NYAP2: variants seen among roughly 807,000 people sequenced by gnomAD.
The protein encoded by NYAP2 is neuronal tyrosine-phosphorylated phosphoinositide-3-kinase adaptor 2.
In NYAP2, 23 loss-of-function variants were observed where a neutral mutation model predicts 50.4. The ratio of observed to expected loss-of-function variants is 0.46; its 90% confidence interval spans 0.33 to 0.65. The LOEUF is 0.65. Ranked by LOEUF, NYAP2 falls within the 30% of genes least tolerant of loss-of-function variation. The pLI is 0.02. For missense variants in NYAP2, 885 were observed against 861.0 expected (o/e 1.03, Z -0.35); for synonymous variants, 394 against 365.2 (o/e 1.08, Z -0.90).
chr2:225,694,508 C>T, the NYAP2 span, among the ~76,000 whole-genome samples: 112,894 of 151,572 alleles, frequency 0.74, 43,308 homozygotes, highest in African/African-American at 0.94. Flanking sequence ...GGGGACTCAA[C>T]GATGGAAATG....
At chr2:225,434,945 A>T (rs965677893) in intron 3 of NYAP2, among the ~76,000 whole-genome samples, 4 of 152,238 alleles carry the variant, frequency 2.6e-5, no homozygotes, top group African/African-American at 9.6e-5. Context: ...CTTTATTAAG[A>T]AGAACATTAT....
the NYAP2 span, among the ~76,000 whole-genome samples, chr2:225,672,840 G>A: frequency 6.6e-6 from 1 of 152,002 alleles, no homozygotes; most frequent in Non-Finnish European, 1.5e-5. Context: ...TGGTGGAGCA[G>A]TGAGAACACG....
intron 6 of NYAP2, among the ~76,000 whole-genome samples, chr2:225,632,963 G>A (rs375037330): frequency 5.9e-5 from 9 of 152,054 alleles, no homozygotes; most frequent in East Asian, 1.9e-4. Flanking sequence ...CTTACTATAC[G>A]TTTAAAATCA....
intron 3 of NYAP2, among the ~76,000 whole-genome samples, chr2:225,472,809 CTTTTATT>C (rs1690033802): frequency 1.3e-5 from 2 of 151,390 alleles, no homozygotes; most frequent in African/African-American, 4.9e-5. Flanking sequence ...TCTTTTTTTT[CTTTTATT>C]TTTTAATTAT....
intron 5 of NYAP2, among the ~76,000 whole-genome samples, chr2:225,622,558 TTTTTCTTTCTTTCTTTCTTTC>T (rs1693133109): frequency 3.3e-4 from 7 of 21,172 alleles, no homozygotes; most frequent in East Asian, 1.3e-3. Flanking sequence ...TCTTTCTTTC[TTTTTCTTTCTTTCTTTCTTTC>T]TTCTTTCTTT....
chr2:225,667,725 G>T, the NYAP2 span, among the ~76,000 whole-genome samples: 2 of 152,120 alleles, frequency 1.3e-5, no homozygotes, highest in African/African-American at 4.8e-5. Context: ...TAACCCAAAT[G>T]AATCTTCAAT....
At chr2:225,684,561 GT>G in the NYAP2 span, among the ~76,000 whole-genome samples, 398 of 145,652 alleles carry the variant, frequency 2.7e-3, 1 homozygote, top group African/African-American at 9.5e-3. Context: ...TAGTTTTTTT[GT>G]TTTTTTTTTG....
chr2:225,688,877 G>A, the NYAP2 span, among the ~76,000 whole-genome samples: 1 of 151,998 alleles, frequency 6.6e-6, no homozygotes, highest in African/African-American at 2.4e-5. Context: ...CGAGTAGCCG[G>A]GATTACAGGT....
At chr2:225,559,233 C>T (rs1018509966) in intron 4 of NYAP2, among the ~76,000 whole-genome samples, 1 of 151,948 alleles carries the variant, frequency 6.6e-6, no homozygotes, top group African/African-American at 2.4e-5. Flanking sequence ...TAATCATAAT[C>T]CTGACTTTCT....
chr2:225,503,718 C>A lies in NYAP2; in HGVS notation c.222-9653C>A, dbSNP rs561214027. Among the ~76,000 whole-genome samples the A allele has an allele frequency of 2.0e-5, 3 of 152,284 alleles. No individual in the cohort carries two copies. In the South Asian group the frequency reaches 6.2e-4, roughly 32 times the overall value. On this transcript the variant is annotated intron_variant, in intron 3 of 6. Transcript: ENST00000636099. ...ATAAGTTGTGTGCTTGTTTTTCAAG[C>A]ATAACTCCCTAGCCATGATTACCCT...
intron 4 of NYAP2, among the ~76,000 whole-genome samples, chr2:225,564,894 C>A (rs1244909756): frequency 6.6e-6 from 1 of 152,048 alleles, no homozygotes; most frequent in Non-Finnish European, 1.5e-5. Flanking sequence ...CTGTGGGAGA[C>A]CAAGGCAGGT....
At chr2:225,627,102 T>C (rs1034679705) in exon 6 of NYAP2, 20 of 1,590,140 alleles carry the variant, frequency 1.3e-5, no homozygotes, top group Non-Finnish European at 1.6e-5. Flanking sequence ...GAGCCCCACC[T>C]TGTTAGCGGG....
At chr2:225,637,730 T>A (rs1693446470) in intron 6 of NYAP2, among the ~76,000 whole-genome samples, 1 of 152,230 alleles carries the variant, frequency 6.6e-6, no homozygotes, top group Non-Finnish European at 1.5e-5. Context: ...CTAGAATGCA[T>A]GTTTATCAGA....
At chr2:225,510,904 C>G (rs1412978715) in intron 3 of NYAP2, among the ~76,000 whole-genome samples, 1 of 151,888 alleles carries the variant, frequency 6.6e-6, no homozygotes, top group Non-Finnish European at 1.5e-5. Flanking sequence ...AATTGTCAGT[C>G]CGGGAAAAAG....
At chr2:225,458,020 C>T (rs1180200890) in intron 3 of NYAP2, among the ~76,000 whole-genome samples, 1 of 151,698 alleles carries the variant, frequency 6.6e-6, no homozygotes, top group Non-Finnish European at 1.5e-5. Context: ...TCTTTAGTTA[C>T]CTGGTTGTTA....
At chr2:225,506,416 C>T (rs2106180981) in intron 3 of NYAP2, among the ~76,000 whole-genome samples, 1 of 152,324 alleles carries the variant, frequency 6.6e-6, no homozygotes, top group South Asian at 2.1e-4. Flanking sequence ...TTATGCCTCT[C>T]TCTTAAAAGT....
At chr2:225,680,719 A>C in the NYAP2 span, among the ~76,000 whole-genome samples, 2 of 152,148 alleles carry the variant, frequency 1.3e-5, no homozygotes, top group Non-Finnish European at 2.9e-5. Flanking sequence ...CAAATGAGAA[A>C]TTGATTACTG....
the NYAP2 span, among the ~76,000 whole-genome samples, chr2:225,659,807 T>C: frequency 6.6e-6 from 1 of 152,190 alleles, no homozygotes; most frequent in Non-Finnish European, 1.5e-5. Flanking sequence ...ACATTACTTG[T>C]GGGAAAAAAA....
chr2:225,620,601 G>GCTCT (rs1693082607), intron 5 of NYAP2, among the ~76,000 whole-genome samples: 1 of 152,174 alleles, frequency 6.6e-6, no homozygotes, highest in Non-Finnish European at 1.5e-5. Flanking sequence ...CTATTTAGGA[G>GCTCT]GCAGACATTA....
Sources: gnomAD v4.1 joint callset for allele counts (sites outside exome capture counted in the v4.1 genomes callset) on GRCh38, gnomAD v4.1.1 for gene constraint, MANE v1.5 for transcripts, NCBI Gene and HGNC (gene_info 2026-07-23, HGNC 2026-07-21) for gene names.